The following FRMD4A variants were observed in gnomAD, a reference collection of about 807,000 sequenced individuals.
FRMD4A encodes FERM domain containing 4A.
FRMD4A carries 29 observed loss-of-function variants against 129.1 expected under a neutral mutation model. The observed-to-expected ratio is 0.22, with a 90% CI of 0.17 to 0.31. The LOEUF (loss-of-function observed/expected upper bound fraction) is 0.31, where lower values mean the gene tolerates loss of function less well. Ranked by LOEUF, FRMD4A falls within the 10% of genes least tolerant of loss-of-function variation. The pLI, the probability that FRMD4A is intolerant of heterozygous loss-of-function variation, is 1.00. For missense variants in FRMD4A, 1,272 were observed against 1,375.8 expected, an observed-to-expected ratio of 0.92 and a Z score of 1.19; for synonymous variants, 634 against 571.6, an observed-to-expected ratio of 1.11 and a Z score of -1.56.
chr10:14,117,042 C>T (rs1838233327), intron 2 of FRMD4A, among the ~76,000 whole-genome samples: 1 of 152,266 alleles, frequency 6.6e-6, no homozygotes, highest in Non-Finnish European at 1.5e-5. Context: ...TGTGCTTGCA[C>T]TGAGGCCCTG....
chr10:13,743,497 T>G (rs2091126464), intron 9 of FRMD4A, among the ~76,000 whole-genome samples: 1 of 151,820 alleles, frequency 6.6e-6, no homozygotes, highest in Non-Finnish European at 1.5e-5. Context: ...GTTCAGGAGG[T>G]GCAAGTCAAC....
At chr10:14,243,019 A>T (rs1416366550) in intron 2 of FRMD4A, among the ~76,000 whole-genome samples, 2 of 150,044 alleles carry the variant, frequency 1.3e-5, no homozygotes, top group African/African-American at 2.5e-5. Flanking sequence ...GATAAATAAA[A>T]TATGGCATCT....
chr10:13,813,973 T>C (rs1309601342), intron 3 of FRMD4A, among the ~76,000 whole-genome samples: 1 of 152,252 alleles, frequency 6.6e-6, no homozygotes, highest in African/African-American at 2.4e-5. Context: ...TCTCTGATGC[T>C]TGCTATTTCT....
chr10:14,000,360 C>T (rs2095637291), intron 2 of FRMD4A, among the ~76,000 whole-genome samples: 1 of 151,832 alleles, frequency 6.6e-6, no homozygotes, highest in Non-Finnish European at 1.5e-5. Flanking sequence ...AAGCCATTTC[C>T]CCCGGGGCAG....
intron 2 of FRMD4A, among the ~76,000 whole-genome samples, chr10:14,292,580 A>G (rs1389169648): frequency 6.6e-6 from 1 of 152,222 alleles, no homozygotes; most frequent in Non-Finnish European, 1.5e-5. Flanking sequence ...CCAGTGGATC[A>G]TGAGGTCAGG....
chr10:13,866,815 G>T (rs1315878222), intron 2 of FRMD4A, among the ~76,000 whole-genome samples: 1 of 152,132 alleles, frequency 6.6e-6, no homozygotes, highest in Non-Finnish European at 1.5e-5. Context: ...AGCTAGGTAT[G>T]TTGGCACCTG....
At chr10:13,915,448 G>A (rs774469815) in intron 2 of FRMD4A, among the ~76,000 whole-genome samples, 148 of 151,962 alleles carry the variant, frequency 9.7e-4, no homozygotes, top group Non-Finnish European at 1.6e-3. Flanking sequence ...TGAGGCGGGC[G>A]GATCACAAGG....
intron 2 of FRMD4A, among the ~76,000 whole-genome samples, chr10:14,188,920 A>G (rs866257863): frequency 6.6e-6 from 1 of 152,176 alleles, no homozygotes; most frequent in Non-Finnish European, 1.5e-5. Context: ...ACAAAACCAA[A>G]CAAAATCCCG....
chr10:13,943,951 T>C (rs150894195), intron 2 of FRMD4A, among the ~76,000 whole-genome samples: 2 of 152,286 alleles, frequency 1.3e-5, no homozygotes, highest in East Asian at 3.9e-4. Context: ...AAGATGAGAC[T>C]ATAAATAACT....
chr10:14,179,444 G>A (rs1225268569), intron 2 of FRMD4A, among the ~76,000 whole-genome samples: 1 of 152,142 alleles, frequency 6.6e-6, no homozygotes, highest in Non-Finnish European at 1.5e-5. Flanking sequence ...GGGTAACACT[G>A]AAGGAGTTAT....
At chr10:14,160,611 C>A (rs924489944) in intron 2 of FRMD4A, among the ~76,000 whole-genome samples, 1 of 152,094 alleles carries the variant, frequency 6.6e-6, no homozygotes, top group Admixed American at 6.6e-5. Flanking sequence ...TAATAATAAT[C>A]CCATTAAAAT....
chr10:14,009,937 C>CG (rs2095675377), intron 2 of FRMD4A, among the ~76,000 whole-genome samples: 1 of 151,822 alleles, frequency 6.6e-6, no homozygotes, highest in Non-Finnish European at 1.5e-5. Context: ...AGAGCATTGG[C>CG]GGGGGGTGGG....
intron 8 of FRMD4A, among the ~76,000 whole-genome samples, chr10:13,749,340 G>A (rs981043026): frequency 1.3e-5 from 2 of 152,100 alleles, no homozygotes; most frequent in Admixed American, 6.5e-5. Context: ...AATGAAACAG[G>A]TATAACTGTT....
chr10:13,968,398 C>T (rs1389011784), intron 2 of FRMD4A, among the ~76,000 whole-genome samples: 1 of 152,138 alleles, frequency 6.6e-6, no homozygotes, highest in East Asian at 1.9e-4. Context: ...TCAACAAAAA[C>T]AACATTTCAC....
At chr10:13,683,255 G>A (rs1361926584) in intron 15 of FRMD4A, among the ~76,000 whole-genome samples, 7 of 152,102 alleles carry the variant, frequency 4.6e-5, no homozygotes, top group Non-Finnish European at 8.8e-5. Flanking sequence ...TGCATCCAGT[G>A]CTCAGACCTG....
chr10:14,236,651 C>T (rs955126934), intron 2 of FRMD4A, among the ~76,000 whole-genome samples: 1 of 152,154 alleles, frequency 6.6e-6, no homozygotes, highest in Non-Finnish European at 1.5e-5. Context: ...TGCCTGAGGG[C>T]AAGAGAGGGA....
intron 9 of FRMD4A, among the ~76,000 whole-genome samples, chr10:13,742,705 T>C (rs1406392310): frequency 6.6e-6 from 1 of 152,010 alleles, no homozygotes; most frequent in Non-Finnish European, 1.5e-5. Context: ...TTAGTAGAGA[T>C]GAGGTTTCAC....
In FRMD4A at chr10:13,658,850, C is replaced by A. The variant is rs148775893; in HGVS notation, c.2066+473G>T. 4.8e-3 allele frequency among the ~76,000 whole-genome samples: 718 copies of A among 149,562 alleles called. 3 individuals carry two copies. The highest frequency in any genetic ancestry group is 8.4e-3 in the Non-Finnish European group (568 of 67,628). On this transcript the variant is annotated intron_variant, in intron 21 of 24. Transcript: ENST00000357447. The stretch of plus-strand genomic sequence containing the variant: ...CGAGCCAAGATCGCGCCACTGTACT[C>A]CAGCCTGGGTGACAGAGCAAGACTC...
rs147079535 is a variant in FRMD4A at position 14,101,592 on chromosome 10, T to C, written c.45+228466A>G. Among the ~76,000 whole-genome samples, 364 of 152,080 alleles carry C rather than the reference T, an allele frequency of 2.4e-3. 2 individuals carry two copies. Among genetic ancestry groups the C allele is most frequent in the African/African-American group, 6.7e-3 (280 of 41,494 alleles). Reference sequence around the variant, plus strand: ...ATAGCACATCAGATGATGGGGAAAATGGTGAAGAAAGGAGAAGAAAAGAAA... The same window carrying C: ...ATAGCACATCAGATGATGGGGAAAACGGTGAAGAAAGGAGAAGAAAAGAAA... On this transcript the variant is annotated intron_variant, in intron 2 of 24. Transcript: ENST00000357447.
Sources: allele counts gnomAD v4.1 joint callset (sites outside exome capture counted in the v4.1 genomes callset), GRCh38; gene constraint gnomAD v4.1.1; transcripts MANE v1.5; gene names NCBI Gene and HGNC (gene_info 2026-07-23, HGNC 2026-07-21).